Variants in KIF16B observed in about 807,000 individuals in gnomAD.
KIF16B encodes the protein kinesin-like protein KIF16B.
A neutral mutation model predicts 156.3 loss-of-function variants in KIF16B; 98 were observed. That is an observed-to-expected ratio of 0.63 (90% confidence interval 0.53 to 0.74). KIF16B has a LOEUF of 0.74. Ranked by LOEUF, KIF16B falls within the 30% of genes least tolerant of loss-of-function variation. The pLI, the probability that KIF16B is intolerant of heterozygous loss-of-function variation, is 0.00. For synonymous variants in KIF16B, 564 were observed against 583.7 expected (o/e 0.97, Z 0.49); for missense variants, 1,421 against 1,606.5 (o/e 0.88, Z 1.97).
intron 23 of KIF16B, among the ~76,000 whole-genome samples, chr20:16,348,281 T>C (rs1234507991): frequency 6.6e-6 from 1 of 152,200 alleles, no homozygotes; most frequent in Non-Finnish European, 1.5e-5. Flanking sequence ...GGAAGGTACA[T>C]TAAAATGAGT....
chr20:16,452,885 G>A (rs1432188903), intron 12 of KIF16B, among the ~76,000 whole-genome samples: 2 of 150,386 alleles, frequency 1.3e-5, no homozygotes, highest in Non-Finnish European at 3.0e-5. Flanking sequence ...CAGGAAGGAT[G>A]AAAAACGAAG....
intron 4 of KIF16B, among the ~76,000 whole-genome samples, chr20:16,514,582 G>C: frequency 1.3e-5 from 1 of 76,912 alleles, no homozygotes; most frequent in Admixed American, 1.4e-4. Context: ...TAAGAAATAA[G>C]AAAAAAAAAA....
intron 17 of KIF16B, among the ~76,000 whole-genome samples, chr20:16,390,258 A>G (rs2065332748): frequency 6.6e-6 from 1 of 152,234 alleles, no homozygotes; most frequent in Admixed American, 6.5e-5. Context: ...AAAGTGCCCT[A>G]AGAAAAAAGG....
At position 16,291,142 on chromosome 20, in the gene KIF16B, TGAG is replaced by T. The variant is rs2063308956; in HGVS notation, c.3796-17734_3796-17732del. ...AATGCTGATAGGCCTCGATAAACAA[TGAG>T]AAGCATGGGTTTTCTTTCCCTAGGA... On this transcript the variant is annotated intron_variant, in intron 25 of 25. Coordinates refer to ENST00000354981, the MANE Select transcript of KIF16B (RefSeq NM_024704.5). Among the ~76,000 whole-genome samples the T allele has an allele frequency of 5.3e-5, 8 of 152,270 alleles. 1 individual carries two copies. In the South Asian group the frequency reaches 1.7e-3, roughly 32 times the overall value.
At chr20:16,296,282 C>A (rs1394584054) in intron 25 of KIF16B, among the ~76,000 whole-genome samples, 1 of 152,148 alleles carries the variant, frequency 6.6e-6, no homozygotes, top group Non-Finnish European at 1.5e-5. Flanking sequence ...CTTGTGATAT[C>A]TACTTCTGCT....
intron 1 of KIF16B, among the ~76,000 whole-genome samples, chr20:16,555,021 A>G (rs6080301): frequency 0.2 from 31,171 of 152,206 alleles, 3,411 homozygotes; most frequent in African/African-American, 0.29. Context: ...CTGGTAGCAC[A>G]AGCTGAGCAC....
At chr20:16,486,597 G>A (rs1299967408) in intron 12 of KIF16B, among the ~76,000 whole-genome samples, 2 of 152,094 alleles carry the variant, frequency 1.3e-5, no homozygotes, top group Admixed American at 6.6e-5. Context: ...ATACGGACTC[G>A]ATTTTTACAA....
chr20:16,317,599 T>G (rs983341948), intron 24 of KIF16B, among the ~76,000 whole-genome samples: 3 of 152,156 alleles, frequency 2.0e-5, no homozygotes, highest in African/African-American at 7.2e-5. Context: ...GTGAAACCAT[T>G]CTGGTTAAAG....
chr20:16,481,244 T>C (rs1019950495), intron 12 of KIF16B, among the ~76,000 whole-genome samples: 2 of 151,604 alleles, frequency 1.3e-5, no homozygotes, highest in African/African-American at 4.9e-5. Flanking sequence ...TCGCCCTGGC[T>C]GGAGTACAGT....
chr20:16,430,201 T>G (rs1189453284), intron 12 of KIF16B, among the ~76,000 whole-genome samples: 2 of 152,186 alleles, frequency 1.3e-5, no homozygotes, highest in African/African-American at 4.8e-5. Context: ...TTAAACTCAT[T>G]GCCTGATACA....
intron 1 of KIF16B, among the ~76,000 whole-genome samples, chr20:16,564,284 A>G (rs2071171727): frequency 6.6e-6 from 1 of 152,222 alleles, no homozygotes; most frequent in Non-Finnish European, 1.5e-5. Context: ...TTATGGCTGC[A>G]TAGTATTCCA....
intron 25 of KIF16B, among the ~76,000 whole-genome samples, chr20:16,280,595 T>G (rs1280855486): frequency 6.6e-6 from 1 of 152,202 alleles, no homozygotes. Flanking sequence ...GGATGTCCTT[T>G]GTTTACAGAG....
chr20:16,503,918 C>T lies in KIF16B; in HGVS notation c.1176+454G>A, dbSNP rs115893396. Among the ~76,000 whole-genome samples the T allele has an allele frequency of 2.9e-3, 447 of 152,232 alleles. 2 individuals are homozygous for T. Among genetic ancestry groups the T allele is most frequent in the African/African-American group, 0.01 (422 of 41,544 alleles). On this transcript the variant is annotated intron_variant, in intron 10 of 25. Coordinates refer to ENST00000354981, the MANE Select transcript of KIF16B (RefSeq NM_024704.5). ...TCACAGGTGTAATATACATGTGTCG[C>T]GGGGCCACCAGAACCACCTCTCTAA... is the stretch of plus-strand genomic sequence containing the variant.
chr20:16,395,807 C>T (rs938574636), intron 17 of KIF16B, among the ~76,000 whole-genome samples: 10 of 151,698 alleles, frequency 6.6e-5, no homozygotes, highest in African/African-American at 2.2e-4. Flanking sequence ...GTAATTATAT[C>T]GACACATTCA....
intron 22 of KIF16B, 66 bp from the exon 23 acceptor site, chr20:16,356,518 G>A: frequency 6.3e-7 from 1 of 1,575,050 alleles, no homozygotes; most frequent in Non-Finnish European, 8.7e-7. Flanking sequence ...CAAATATCCT[G>A]CTCGGGTAGG....
chr20:16,505,399 G>A lies in KIF16B; in HGVS notation c.1000+323C>T, dbSNP rs931225469. 2.0e-5 allele frequency among the ~76,000 whole-genome samples: 3 copies of A among 151,990 alleles called. 1 individual carries two copies. Among genetic ancestry groups the A allele is most frequent in the Non-Finnish European group, 4.4e-5 (3 of 67,996 alleles). On this transcript the variant is annotated intron_variant, in intron 9 of 25. Transcript: ENST00000354981. ...TGCCTTAAATAAAAAAACAAAGTTG[G>A]GTTATTTTGACCTTGTGTTCCTATG... is the stretch of plus-strand genomic sequence containing the variant.
At chr20:16,436,536 T>C (rs1293408660) in intron 12 of KIF16B, among the ~76,000 whole-genome samples, 7 of 152,168 alleles carry the variant, frequency 4.6e-5, no homozygotes, top group African/African-American at 1.7e-4. Flanking sequence ...TCAGTAACAA[T>C]AGGAAAATCA....
At chr20:16,525,195 GAAAC>G (rs1022398149) in intron 3 of KIF16B, among the ~76,000 whole-genome samples, 1 of 152,004 alleles carries the variant, frequency 6.6e-6, no homozygotes, top group Non-Finnish European at 1.5e-5. Flanking sequence ...AAGAAAGAAA[GAAAC>G]AAGCACTTTT....
intron 12 of KIF16B, among the ~76,000 whole-genome samples, chr20:16,431,056 T>C (rs1052285288): frequency 6.6e-6 from 1 of 152,116 alleles, no homozygotes; most frequent in African/African-American, 2.4e-5. Flanking sequence ...ATACCATGCT[T>C]ACACTTTGCC....
Sources: allele counts gnomAD v4.1 joint callset (sites outside exome capture counted in the v4.1 genomes callset), GRCh38; gene constraint gnomAD v4.1.1; transcripts MANE v1.5; gene names NCBI Gene and HGNC (gene_info 2026-07-23, HGNC 2026-07-21).